Variants in VAV2 observed in about 807,000 individuals in gnomAD.
VAV2 encodes the protein vav guanine nucleotide exchange factor 2.
VAV2 carries 67 observed loss-of-function variants against 132.5 expected under a neutral mutation model. The observed-to-expected ratio is 0.51, with a 90% CI of 0.42 to 0.62. The LOEUF (loss-of-function observed/expected upper bound fraction) is 0.62, where lower values mean the gene tolerates loss of function less well. VAV2 is among the 20% of genes least tolerant of loss of function. The pLI, the probability that VAV2 is intolerant of heterozygous loss-of-function variation, is 0.00. For missense variants in VAV2, 938 were observed against 1,153.6 expected, an observed-to-expected ratio of 0.81 and a Z score of 2.71; for synonymous variants, 492 against 443.5, an observed-to-expected ratio of 1.11 and a Z score of -1.37.
Position 133,919,151 on chromosome 9 carries a change from G to A in VAV2, c.321+19952C>T, listed in dbSNP as rs1461377696. Among the ~76,000 whole-genome samples, 1 of 152,058 alleles carries A rather than the reference G, an allele frequency of 6.6e-6. No individual in the cohort carries two copies. Among genetic ancestry groups the A allele is most frequent in the African/African-American group, 2.4e-5 (1 of 41,404 alleles). ...GACCTAGCTCCGCCCTCTCCATCAG[G>A]CCTGGCTCTGCCCACAGCCTCTCCA... On this transcript the variant is annotated intron_variant, in intron 2 of 29. Coordinates refer to ENST00000371850, the MANE Select transcript of VAV2 (RefSeq NM_001134398.2). This position sits in a 1 kb window ranked among gnomAD's most constrained non-coding sequence, Gnocchi z 5.8.
At chr9:133,922,836 G>T (rs576618025) in intron 2 of VAV2, among the ~76,000 whole-genome samples, 1 of 152,114 alleles carries the variant, frequency 6.6e-6, no homozygotes, top group African/African-American at 2.4e-5. Context: ...CAACAAAAAC[G>T]AAAACAGACA....
At chr9:133,938,567 G>T (rs981018902) in intron 2 of VAV2, among the ~76,000 whole-genome samples, 2 of 152,020 alleles carry the variant, frequency 1.3e-5, no homozygotes, top group East Asian at 1.9e-4. Flanking sequence ...ACTTCCCGGG[G>T]TCACCACTGG....
At chr9:133,869,434 T>C (rs978854082) in intron 2 of VAV2, among the ~76,000 whole-genome samples, 2 of 149,590 alleles carry the variant, frequency 1.3e-5, no homozygotes, top group Non-Finnish European at 3.0e-5. Flanking sequence ...AACAAAACTC[T>C]ATCTCTACAA....
rs190791678 is a variant in VAV2 at position 133,917,671 on chromosome 9, G to A, written c.321+21432C>T. On this transcript the variant is annotated intron_variant, in intron 2 of 29. Coordinates refer to ENST00000371850, the MANE Select transcript of VAV2 (RefSeq NM_001134398.2). ...GAGTGCCATCCTCCCCTTTATTGAC[G>A]GGGAAACCAAGGCTTAGGGAGGAAA... Among the ~76,000 whole-genome samples the A allele has an allele frequency of 4.6e-3, 693 of 151,836 alleles. 4 individuals carry two copies. The highest frequency in any genetic ancestry group is 6.8e-3 in the Non-Finnish European group (459 of 67,786).
At chr9:133,836,914 G>A (rs561471884) in intron 3 of VAV2, among the ~76,000 whole-genome samples, 7 of 152,308 alleles carry the variant, frequency 4.6e-5, no homozygotes, top group South Asian at 2.1e-4. Context: ...GAAGCCCAGC[G>A]CAGGGTTCTT....
chr9:133,982,714 C>T (rs953597116), intron 1 of VAV2, among the ~76,000 whole-genome samples: 2 of 152,192 alleles, frequency 1.3e-5, no homozygotes, highest in African/African-American at 2.4e-5. Flanking sequence ...TAGGGCCCGC[C>T]GCCTGGTTTT....
chr9:133,768,711 C>A lies in VAV2; in HGVS notation c.2435-115G>T. Reference sequence around the variant, plus strand: ...CTGGTGCCCAGAACCCTGCTCTGTACCCAGAGAGGAAGGATGTCAAGCAGA... The same window carrying A: ...CTGGTGCCCAGAACCCTGCTCTGTAACCAGAGAGGAAGGATGTCAAGCAGA... On this transcript the variant is annotated intron_variant, in intron 28 of 29. Coordinates refer to ENST00000371850, the MANE Select transcript of VAV2 (RefSeq NM_001134398.2). The surrounding 1 kb of genome is among the most constrained non-coding windows in gnomAD (Gnocchi z 5.3). 7.6e-7 allele frequency: 1 copy of A among 1,309,940 alleles called. No homozygotes were observed. The highest frequency in any genetic ancestry group is 1.5e-5 in the South Asian group (1 of 66,940). The allele number at this position is 1,309,940 out of a possible 1,614,324, so 81.1% of individuals were successfully genotyped here.
intron 2 of VAV2, among the ~76,000 whole-genome samples, chr9:133,887,014 C>T (rs956185740): frequency 6.6e-6 from 1 of 152,182 alleles, no homozygotes; most frequent in African/African-American, 2.4e-5. Flanking sequence ...CCCCCCTCCC[C>T]ACCCCGGGCC....
At chr9:133,801,607 G>T (rs1324308138) in intron 9 of VAV2, among the ~76,000 whole-genome samples, 3 of 152,244 alleles carry the variant, frequency 2.0e-5, no homozygotes, top group Non-Finnish European at 2.9e-5. Context: ...TGGTGATGGA[G>T]AGGGCCTCGG....
chr9:133,866,438 C>T (rs1837802917), intron 2 of VAV2, among the ~76,000 whole-genome samples: 3 of 152,192 alleles, frequency 2.0e-5, no homozygotes, highest in Admixed American at 2.0e-4. Flanking sequence ...GAGCCTGCAG[C>T]CCATCGGTGG....
rs1227981966 is a variant in VAV2, at chr9:133,804,296, C to A, written c.836+1785G>T. Among the ~76,000 whole-genome samples the A allele has an allele frequency of 6.6e-6, 1 of 152,228 alleles. No individual in the cohort carries two copies. Among genetic ancestry groups the A allele is most frequent in the Non-Finnish European group, 1.5e-5 (1 of 68,038 alleles). ...GCTGACAGCCCCTTCCCCAAACAGA[C>A]CCCGACTGACGGATCTCGCCACACG... On this transcript the variant is annotated intron_variant, in intron 9 of 29. Coordinates refer to ENST00000371850, the MANE Select transcript of VAV2 (RefSeq NM_001134398.2). The surrounding 1 kb of genome is among the most constrained non-coding windows in gnomAD (Gnocchi z 4.5).
intron 1 of VAV2, among the ~76,000 whole-genome samples, chr9:133,941,150 G>GT (rs1564484717): frequency 6.6e-6 from 1 of 152,156 alleles, no homozygotes; most frequent in Non-Finnish European, 1.5e-5. Flanking sequence ...GCTCACGCCT[G>GT]TAATCCCAGC....
At chr9:133,859,474 T>A (rs1317266067) in intron 3 of VAV2, among the ~76,000 whole-genome samples, 1 of 152,218 alleles carries the variant, frequency 6.6e-6, no homozygotes, top group African/African-American at 2.4e-5. Context: ...AGGTCACTCG[T>A]CTGACGTGGG....
intron 3 of VAV2, among the ~76,000 whole-genome samples, chr9:133,854,124 GCACACACACACCCCTT>G (rs1837293566): frequency 1.1e-5 from 1 of 88,008 alleles, no homozygotes; most frequent in African/African-American, 8.9e-5. Context: ...CCTTGCACCT[GCACACACACACCCCTT>G]GCACCTGCAC....
chr9:133,896,111 A>AGATTAGGGAGTGGT lies in VAV2; in HGVS notation c.322-34693_322-34680dup, dbSNP rs1334340345. 1.1e-4 allele frequency among the ~76,000 whole-genome samples: 17 copies of AGATTAGGGAGTGGT among 151,598 alleles called. 3 individuals are homozygous for AGATTAGGGAGTGGT. The highest frequency in any genetic ancestry group is 2.1e-4 in the Non-Finnish European group (14 of 67,904). On this transcript the variant is annotated intron_variant, in intron 2 of 29. Transcript: ENST00000371850. ...CAGTGTTTGTGTCCCTGGGTACTTA[A>AGATTAGGGAGTGGT]GATTAGGGAGTGGTGATGACTCTTA...
At chr9:133,933,998 AGATGGATG>A (rs1202265462) in intron 2 of VAV2, among the ~76,000 whole-genome samples, 5 of 111,370 alleles carry the variant, frequency 4.5e-5, no homozygotes, top group Non-Finnish European at 9.3e-5. Context: ...ATGGGTGGGT[AGATGGATG>A]GATGGATGGA....
chr9:133,904,526 G>A (rs1839566648), intron 2 of VAV2, among the ~76,000 whole-genome samples: 1 of 152,258 alleles, frequency 6.6e-6, no homozygotes, highest in South Asian at 2.1e-4. Flanking sequence ...CAGGAAAGCA[G>A]CCCCTGCAAC....
At position 133,761,968 on chromosome 9, in the gene VAV2, T is replaced by G. The variant is rs533018957; in HGVS notation, c.*2094A>C. 1.3e-5 allele frequency: 2 copies of G among 152,630 alleles called. No individual in the cohort carries two copies. The highest frequency in any genetic ancestry group is 2.9e-5 in the Non-Finnish European group (2 of 68,054). 9.5% of individuals were successfully genotyped at this position (152,630 alleles called of 1,614,324 possible). On this transcript the variant is annotated 3_prime_UTR_variant, in exon 30 of 30. Transcript: ENST00000371850. ...AAAACCCATTGGCAAATGTACAGTT[T>G]GTGTCCATTTGGGGTTCCCGCCAGC...
chr9:133,847,640 G>T (rs1836989117), intron 3 of VAV2, among the ~76,000 whole-genome samples: 1 of 152,286 alleles, frequency 6.6e-6, no homozygotes, highest in South Asian at 2.1e-4. Context: ...CCCACTTGAG[G>T]ACGTCAGATA....
Sources: gnomAD v4.1 joint callset for allele counts (sites outside exome capture counted in the v4.1 genomes callset) on GRCh38, gnomAD v4.1.1 for gene constraint, Gnocchi (gnomAD v3.1) non-coding constraint, MANE v1.5 for transcripts, NCBI Gene and HGNC (gene_info 2026-07-23, HGNC 2026-07-21) for gene names.